Variants in ACACB observed in about 807,000 individuals in gnomAD.
ACACB encodes acetyl-CoA carboxylase beta, also known as acetyl-CoA carboxylase 2.
ACACB carries 209 observed loss-of-function variants against 278.8 expected under a neutral mutation model. That is an observed-to-expected ratio of 0.75 (90% CI 0.67 to 0.84). The LOEUF is 0.84. ACACB is among the 40% of genes least tolerant of loss of function. The pLI is 0.00. For missense variants in ACACB, 2,850 were observed against 3,269.0 expected (o/e 0.87, Z 3.13); for synonymous variants, 1,174 against 1,285.6 (o/e 0.91, Z 1.86).
intron 2 of ACACB, among the ~76,000 whole-genome samples, chr12:109,150,066 G>A (rs1346040548): frequency 6.6e-6 from 1 of 152,166 alleles, no homozygotes. Flanking sequence ...TCATTGAGTT[G>A]CTGTAAGTAC....
At position 109,246,319 on chromosome 12, in the gene ACACB, C is replaced by T. The variant is rs140830853; in HGVS notation, c.5442C>T (p.Ser1814=). The change falls in exon 39 of 53, where the codon TCC becomes TCT. Residue 1814 remains serine (S), a synonymous_variant. Coordinates refer to ENST00000338432, the MANE Select transcript of ACACB (RefSeq NM_001093.4). The part of the protein sequence containing the change: ...PGEDLLYLRA[S]EMARAEGIPK... ...AGGACCTTCTGTACCTGCGGGCATC[C>T]GAGATGGCCCGGGCAGAGGGCATTC... 6.2e-6 allele frequency: 10 copies of T among 1,612,668 alleles called. No homozygotes were observed. Among genetic ancestry groups the T allele is most frequent in the Middle Eastern group, 3.3e-4 (2 of 6,062 alleles).
chr12:109,251,655 T>C (rs2047098166), intron 41 of ACACB, among the ~76,000 whole-genome samples: 1 of 152,198 alleles, frequency 6.6e-6, no homozygotes, highest in Non-Finnish European at 1.5e-5. Flanking sequence ...CACAATATTG[T>C]TAACTCAGTA....
rs746958531 is a variant in ACACB at position 109,176,055 on chromosome 12, T to G, written c.1326+15T>G. On this transcript the variant is annotated intron_variant, in intron 8 of 52. Coordinates refer to ENST00000338432, the MANE Select transcript of ACACB (RefSeq NM_001093.4). ...AGGGCTTGGAGGTAAATGCAGAGCC[T>G]GTGGGGGCCAGGGGAGCCAGAACCG... The G allele has an allele frequency of 6.2e-7, 1 of 1,613,476 alleles. No individual in the cohort carries two copies. Among genetic ancestry groups the G allele is most frequent in the Non-Finnish European group, 8.5e-7 (1 of 1,179,340 alleles).
intron 24 of ACACB, among the ~76,000 whole-genome samples, chr12:109,219,349 T>A (rs2046095740): frequency 6.6e-6 from 1 of 152,170 alleles, no homozygotes; most frequent in African/African-American, 2.4e-5. Context: ...CATTTAAAAA[T>A]CTCACGCAGC....
In ACACB at chr12:109,122,495, C is replaced by A. The variant is rs143468288; in HGVS notation, c.-10+5791C>A. On this transcript the variant is annotated intron_variant, in intron 1 of 52. Transcript: ENST00000338432. ...AGGCCGAGGAGGGGGATTGCTTGAG[C>A]CCAGGAATTCAAGGCTGCAATGAGC... 4.6e-3 allele frequency among the ~76,000 whole-genome samples: 682 copies of A among 149,816 alleles called. 5 individuals are homozygous for A. The highest frequency in any genetic ancestry group is 0.016 in the African/African-American group (635 of 40,414).
chr12:109,167,621 G>GTATGTATATATATATATATATATA (rs1555210641), intron 3 of ACACB, among the ~76,000 whole-genome samples: 1 of 77,528 alleles, frequency 1.3e-5, no homozygotes, highest in Non-Finnish European at 2.4e-5. Flanking sequence ...ATATGTATGT[G>GTATGTATATATATATATATATATA]TATATATATA....
At chr12:109,209,472 A>G (rs2045617717) in intron 21 of ACACB, 119 bp downstream of exon 21, 3 of 1,033,958 alleles carry the variant, frequency 2.9e-6, no homozygotes, top group Non-Finnish European at 4.2e-6. Context: ...CTTATAGCCT[A>G]ACATATCAGG....
chr12:109,259,098 T>C lies in ACACB; in HGVS notation c.6486T>C (p.Gly2162=), dbSNP rs922864062. The change falls in exon 47 of 53, where the codon GGT becomes GGC. Residue 2162 remains glycine (G), a synonymous_variant. Transcript: ENST00000338432. The part of the protein sequence containing the change: ...MIFANWRGFS[G]GMKDMYDQVL... ...TTGCCAACTGGAGGGGGTTCTCCGG[T>C]GGCATGAAAGGTAAGCCCCTCCCTG... 7 of 1,614,026 alleles carry C rather than the reference T, an allele frequency of 4.3e-6. No homozygotes were observed. The Middle Eastern group carries it at 8.2e-4, about 190-fold the overall frequency.
At chr12:109,225,307 A>G (rs755510843) in intron 27 of ACACB, among the ~76,000 whole-genome samples, 47 of 152,100 alleles carry the variant, frequency 3.1e-4, no homozygotes, top group Middle Eastern at 3.4e-3. Flanking sequence ...GTTACTTTTT[A>G]AAGTGCTAAA....
At chr12:109,165,493 C>A (rs1490042692) in intron 2 of ACACB, among the ~76,000 whole-genome samples, 2 of 151,932 alleles carry the variant, frequency 1.3e-5, no homozygotes, top group Admixed American at 1.3e-4. Context: ...GTGGCCTGAT[C>A]AATTATCTTA....
intron 2 of ACACB, among the ~76,000 whole-genome samples, chr12:109,149,295 G>A (rs140693600): frequency 3.3e-5 from 5 of 152,256 alleles, no homozygotes; most frequent in South Asian, 2.1e-4. Flanking sequence ...CCTTTAAGTC[G>A]TATGAGCTTG....
At chr12:109,207,709 T>G (rs537106526) in intron 20 of ACACB, among the ~76,000 whole-genome samples, 1 of 152,314 alleles carries the variant, frequency 6.6e-6, no homozygotes, top group African/African-American at 2.4e-5. Flanking sequence ...GAGGGAGCCT[T>G]GCTCTGTCAC....
intron 16 of ACACB, among the ~76,000 whole-genome samples, chr12:109,196,633 C>T (rs975699265): frequency 2.0e-5 from 3 of 152,156 alleles, no homozygotes; most frequent in Non-Finnish European, 4.4e-5. Flanking sequence ...GGGACACAAA[C>T]GTTTAGTCCA....
chr12:109,260,769 G>A lies in ACACB; in HGVS notation c.6674+112G>A, dbSNP rs1327963758. The A allele has an allele frequency of 3.7e-6, 4 of 1,069,556 alleles. No individual in the cohort carries two copies. The African/African-American group carries it at 4.9e-5, about 13-fold the overall frequency. The allele number at this position is 1,069,556 out of a possible 1,614,324, so 66.3% of individuals were successfully genotyped here. ...GCAGTGGCTGGAACCTGTAAGTGGT[G>A]GAGAAATGTTGTCTCTTCTTTCATG... On this transcript the variant is annotated intron_variant, in intron 48 of 52. Coordinates refer to ENST00000338432, the MANE Select transcript of ACACB (RefSeq NM_001093.4).
At position 109,179,136 on chromosome 12, in the gene ACACB, C is replaced by G; in HGVS notation, c.1486C>G (p.Gln496Glu). The change falls in exon 10 of 53, where the codon CAG (glutamine) becomes GAG (glutamate). Residue 496 changes from glutamine to glutamate, a missense_variant. Gln to Glu is a conservative substitution (Grantham distance 29, BLOSUM62 2). Around this residue, in one of 3 missense-constraint regions of ACACB, gnomAD observed 2,265 missense variants for 2,561.3 expected, o/e 0.88. Transcript: ENST00000338432. ...GSPIFLMKLA[Q>E]HARHLEVQIL... ...GCCCATCTTTCTCATGAAGCTGGCC[C>G]AGCACGCCCGTCACCTGGAAGTTCA... is the stretch of plus-strand genomic sequence containing the variant. The G allele has an allele frequency of 2.5e-6, 4 of 1,613,980 alleles. No homozygotes were observed. Among genetic ancestry groups the G allele is most frequent in the Non-Finnish European group, 3.4e-6 (4 of 1,179,972 alleles).
At chr12:109,144,746 CTTTCTTTCT>C (rs1305703087) in intron 2 of ACACB, among the ~76,000 whole-genome samples, 1 of 39,782 alleles carries the variant, frequency 2.5e-5, no homozygotes, top group Non-Finnish European at 6.5e-5. Flanking sequence ...CTTTTTCTTT[CTTTCTTTCT>C]TTTTTTTTTT....
intron 2 of ACACB, among the ~76,000 whole-genome samples, chr12:109,147,883 A>T (rs1363326301): frequency 6.6e-6 from 1 of 152,222 alleles, no homozygotes; most frequent in African/African-American, 2.4e-5. Flanking sequence ...GGCATTTTAT[A>T]GTTGTTGCTC....
chr12:109,206,983 AT>A, intron 20 of ACACB, 127 bp downstream of exon 20: 2 of 1,137,770 alleles, frequency 1.8e-6, no homozygotes, highest in Middle Eastern at 2.9e-4. Context: ...TTTTTATTTT[AT>A]TTATTTTATT....
In ACACB at chr12:109,199,618, A is replaced by G. The variant is rs1377161516; in HGVS notation, c.2778+66A>G. On this transcript the variant is annotated intron_variant, in intron 18 of 52. Coordinates refer to ENST00000338432, the MANE Select transcript of ACACB (RefSeq NM_001093.4). ...ACTCCCACTCTTCTGGCTTTGTCCC[A>G]TGTCTGAACAAACAGGCCTACCTCT... 7 of 1,337,454 alleles carry G rather than the reference A, an allele frequency of 5.2e-6. No individual in the cohort carries two copies. The South Asian group carries it at 7.1e-5, about 14-fold the overall frequency. The allele number at this position is 1,337,454 out of a possible 1,614,324, so 82.8% of individuals were successfully genotyped here.
Sources: gnomAD v4.1 joint callset for allele counts (sites outside exome capture counted in the v4.1 genomes callset) on GRCh38, gnomAD v4.1.1 for gene constraint, gnomAD v4.1.1 regional missense constraint, MANE v1.5 for transcripts, NCBI Gene and HGNC (gene_info 2026-07-23, HGNC 2026-07-21) for gene names.